The following CNGB1 variants were observed in gnomAD, a reference collection of about 807,000 sequenced individuals.
CNGB1 encodes cyclic nucleotide gated channel subunit beta 1.
Under a neutral mutation model 151.7 loss-of-function variants are expected in CNGB1, and 126 were observed. The observed-to-expected ratio is 0.83, with a 90% CI of 0.72 to 0.96. The LOEUF is 0.96. Ranked by LOEUF, CNGB1 falls within the 40% of genes least tolerant of loss-of-function variation. The probability of loss-of-function intolerance (pLI) is 0.00; values close to 1 mark genes in which losing one functional copy is unlikely to be tolerated. For missense variants in CNGB1, 1,698 were observed against 1,627.0 expected (o/e 1.04, Z -0.75); for synonymous variants, 623 against 635.1 (o/e 0.98, Z 0.29).
chr16:57,944,962 A>AC (rs1211076808), intron 14 of CNGB1, among the ~76,000 whole-genome samples: 1 of 151,446 alleles, frequency 6.6e-6, no homozygotes, highest in Non-Finnish European at 1.5e-5. Flanking sequence ...AAAAAAAAAA[A>AC]AAAAAAAAAA....
chr16:57,889,579 G>C (rs188608701), intron 31 of CNGB1, among the ~76,000 whole-genome samples: 1 of 152,228 alleles, frequency 6.6e-6, no homozygotes, highest in Non-Finnish European at 1.5e-5. Flanking sequence ...CACAGAAACT[G>C]AGATCGCAAA....
chr16:57,938,829 C>A (rs1420257619), intron 16 of CNGB1, among the ~76,000 whole-genome samples: 1 of 152,170 alleles, frequency 6.6e-6, no homozygotes. Context: ...TGCTGGACTC[C>A]TTGGGACTCT....
At chr16:57,901,311 G>C (rs1222873747) in intron 29 of CNGB1, 41 bp downstream of exon 29, 2 of 1,593,384 alleles carry the variant, frequency 1.3e-6, no homozygotes, top group African/African-American at 1.3e-5. Flanking sequence ...CCAGGGGGAT[G>C]GTGAACCCCA....
intron 18 of CNGB1, among the ~76,000 whole-genome samples, chr16:57,922,431 C>CTTTTTTTTTT (rs60969134): frequency 7.3e-6 from 1 of 136,540 alleles, no homozygotes; most frequent in African/African-American, 3.0e-5. Context: ...TTCTTTCTTT[C>CTTTTTTTTTT]TTTTTTTTTT....
chr16:57,907,173 C>A (rs1055140023), intron 25 of CNGB1, among the ~76,000 whole-genome samples: 2 of 152,190 alleles, frequency 1.3e-5, no homozygotes, highest in East Asian at 1.9e-4. Context: ...GAGGGCCCTG[C>A]AGAAGGAGGT....
At chr16:57,897,979 C>A in intron 29 of CNGB1, 65 bp from the exon 30 acceptor site, 1 of 1,559,260 alleles carries the variant, frequency 6.4e-7, no homozygotes, top group South Asian at 1.1e-5. Flanking sequence ...GCAGCCAGGG[C>A]TGGATCCAGA....
At chr16:57,907,458 TC>T (rs1467421701) in intron 25 of CNGB1, among the ~76,000 whole-genome samples, 1 of 152,212 alleles carries the variant, frequency 6.6e-6, no homozygotes, top group Non-Finnish European at 1.5e-5. Flanking sequence ...CATGCTGGCT[TC>T]CCCCTAACAA....
chr16:57,951,378 G>T (rs1463566962), intron 12 of CNGB1, among the ~76,000 whole-genome samples: 2 of 152,086 alleles, frequency 1.3e-5, no homozygotes, highest in African/African-American at 4.8e-5. Flanking sequence ...TTGAGACAGG[G>T]TCTTGCTCTA....
At position 57,904,686 on chromosome 16, in the gene CNGB1, G is replaced by C. The variant is rs1464088984; in HGVS notation, c.2634+48C>G. Reference sequence around the variant, plus strand: ...TGACATTTCTGGCAACAGTGGGAGGGGGCCCTGCAGTCAGGTGGGGTGGGA... The same window carrying C: ...TGACATTTCTGGCAACAGTGGGAGGCGGCCCTGCAGTCAGGTGGGGTGGGA... On this transcript the variant is annotated intron_variant, in intron 26 of 32. Transcript: ENST00000251102. 4 of 1,612,624 alleles carry C rather than the reference G, an allele frequency of 2.5e-6. No individual in the cohort carries two copies. The African/African-American group carries it at 5.3e-5, about 22-fold the overall frequency.
At chr16:57,898,570 C>T (rs2149356074) in intron 29 of CNGB1, among the ~76,000 whole-genome samples, 1 of 152,078 alleles carries the variant, frequency 6.6e-6, no homozygotes, top group Admixed American at 6.5e-5. Flanking sequence ...CATGTGCCAC[C>T]ATGCCCGGCA....
intron 16 of CNGB1, among the ~76,000 whole-genome samples, chr16:57,934,857 T>C (rs763938466): frequency 5.9e-5 from 9 of 151,336 alleles, no homozygotes; most frequent in Non-Finnish European, 1.3e-4. Flanking sequence ...CTCAGGAGGC[T>C]GAGACAGGTG....
rs1183230110 is a variant in CNGB1 at position 57,905,004 on chromosome 16, T to C, written c.2493-129A>G. ...ACAGAAACCCTTTACAGCTCATCTA[T>C]GCAAGGAAAACCACCTCCTGCACGT... On this transcript the variant is annotated intron_variant, in intron 25 of 32. Transcript: ENST00000251102. 4.1e-6 allele frequency: 5 copies of C among 1,233,102 alleles called. No individual in the cohort carries two copies. In the African/African-American group the frequency reaches 4.5e-5, roughly 11 times the overall value. The allele number at this position is 1,233,102 out of a possible 1,614,324, so 76.4% of individuals were successfully genotyped here.
At position 57,940,235 on chromosome 16, in the gene CNGB1, T is replaced by C. The variant is rs1478593744; in HGVS notation, c.1208A>G (p.Gln403Arg). 50 of 1,564,672 alleles carry C rather than the reference T, an allele frequency of 3.2e-5. No individual in the cohort carries two copies. The highest frequency in any genetic ancestry group is 4.2e-5 in the Non-Finnish European group (49 of 1,154,298). ...GCCAGTGCCTGGTGCTTCTCATACCTGATCTGAAGTGCTCTGGGGCCGGGT... is the reference window on the plus strand; with the variant it reads ...GCCAGTGCCTGGTGCTTCTCATACCCGATCTGAAGTGCTCTGGGGCCGGGT... Reference protein sequence around the residue: ...DGTRPQSTSDQKLWEEVGEEA... With the variant: ...DGTRPQSTSDRKLWEEVGEEA... The change falls in exon 15 of 33, where the codon CAG (glutamine) becomes CGG (arginine). Residue 403 changes from glutamine (Q) to arginine (R), a missense_variant and splice_region_variant. Physicochemically the swap from Gln to Arg is conservative, Grantham distance 43 (BLOSUM62 1). Coordinates refer to ENST00000251102, the MANE Select transcript of CNGB1 (RefSeq NM_001297.5).
chr16:57,889,846 A>T (rs1478115217), intron 31 of CNGB1, among the ~76,000 whole-genome samples: 1 of 152,332 alleles, frequency 6.6e-6, no homozygotes, highest in Non-Finnish European at 1.5e-5. Flanking sequence ...TTGCATCATT[A>T]TCTTCCTGGG....
intron 29 of CNGB1, among the ~76,000 whole-genome samples, chr16:57,898,734 T>C (rs942785040): frequency 6.6e-6 from 1 of 152,126 alleles, no homozygotes; most frequent in East Asian, 1.9e-4. Flanking sequence ...CTTTATGCAG[T>C]GTACTACTTA....
intron 23 of CNGB1, among the ~76,000 whole-genome samples, chr16:57,914,156 A>G (rs192615978): frequency 1.3e-5 from 2 of 152,276 alleles, no homozygotes; most frequent in Admixed American, 6.5e-5. Context: ...ATGGTGTTCA[A>G]TGTTAGGCCT....
intron 16 of CNGB1, among the ~76,000 whole-genome samples, chr16:57,934,808 T>C (rs1264825513): frequency 2.6e-5 from 4 of 152,074 alleles, no homozygotes; most frequent in African/African-American, 9.6e-5. Context: ...AATACAAAAA[T>C]TCCCCAGGCC....
At chr16:57,929,261 C>T (rs1217501168) in intron 17 of CNGB1, among the ~76,000 whole-genome samples, 2 of 152,172 alleles carry the variant, frequency 1.3e-5, no homozygotes, top group Non-Finnish European at 2.9e-5. Context: ...CATCACTAAT[C>T]GTTGGGTGTA....
Position 57,962,606 on chromosome 16 carries a change from G to A in CNGB1, c.417C>T (p.Cys139=), listed in dbSNP as rs1346391067. 21 of 1,613,802 alleles carry A rather than the reference G, an allele frequency of 1.3e-5. No individual in the cohort carries two copies. Among genetic ancestry groups the A allele is most frequent in the Non-Finnish European group, 1.5e-5 (18 of 1,179,950 alleles). ...CAAGGGCCTCATTGGGTTCATCTGT[G>A]CACCCTGCAGGGTCAGAAAATACAG... ...LGHGSTGDTG[C]TDEPNEALEA... Residue 139 remains cysteine (C), a synonymous_variant, in exon 7 of 33, where the codon TGC becomes TGT. Transcript: ENST00000251102.
Sources: gnomAD v4.1 joint callset for allele counts (sites outside exome capture counted in the v4.1 genomes callset) on GRCh38, gnomAD v4.1.1 for gene constraint, MANE v1.5 for transcripts, NCBI Gene and HGNC (gene_info 2026-07-23, HGNC 2026-07-21) for gene names.